Variants in NUP85 observed in about 807,000 individuals in gnomAD.
The protein encoded by NUP85 is nucleoporin 85, also known as nuclear pore complex protein Nup85.
A neutral mutation model predicts 92.8 loss-of-function variants in NUP85; 23 were observed. That is an observed-to-expected ratio of 0.25 (90% CI 0.18 to 0.35). The LOEUF (loss-of-function observed/expected upper bound fraction) is 0.35. NUP85 is among the 10% of genes least tolerant of loss of function. The pLI is 1.00. For synonymous variants in NUP85, 314 were observed against 306.9 expected, an observed-to-expected ratio of 1.02 and a Z score of -0.24; for missense variants, 759 against 822.8, an observed-to-expected ratio of 0.92 and a Z score of 0.95.
chr17:75,227,567 C>T (rs756300034), intron 11 of NUP85, among the ~76,000 whole-genome samples: 60 of 152,068 alleles, frequency 3.9e-4, no homozygotes, highest in Admixed American at 1.5e-3. Context: ...TCTGGAACTC[C>T]TGACCTCAGG....
At chr17:75,225,081 A>T in intron 7 of NUP85, 22 bp from the exon 8 acceptor site, 3 of 1,522,786 alleles carry the variant, frequency 2.0e-6, no homozygotes, top group Non-Finnish European at 2.6e-6. Context: ...GCCAATGCTT[A>T]TGGGCCCGGA....
At chr17:75,221,381 C>T (rs1481598024) in intron 7 of NUP85, among the ~76,000 whole-genome samples, 9 of 151,400 alleles carry the variant, frequency 5.9e-5, no homozygotes, top group African/African-American at 1.2e-4. Flanking sequence ...TCAAGTGATC[C>T]GCCTGCCTCA....
chr17:75,226,503 CCAAT>C (rs1482186770), intron 11 of NUP85, among the ~76,000 whole-genome samples: 1 of 152,034 alleles, frequency 6.6e-6, no homozygotes, highest in East Asian at 1.9e-4. Context: ...ATAAGGGCAC[CCAAT>C]CACATTCATG....
At chr17:75,228,753 A>T in intron 11 of NUP85, 1 of 985,256 alleles carries the variant, frequency 1.0e-6, no homozygotes, top group Non-Finnish European at 1.2e-6. Flanking sequence ...TCATATGAAC[A>T]TGGAGAAGGG....
At chr17:75,213,324 G>A (rs937693600) in intron 5 of NUP85, among the ~76,000 whole-genome samples, 27 of 151,464 alleles carry the variant, frequency 1.8e-4, no homozygotes, top group Admixed American at 7.2e-4. Context: ...GTGAATGTTC[G>A]GTTCCTTTTT....
intron 1 of NUP85, among the ~76,000 whole-genome samples, chr17:75,206,313 G>A (rs1175279645): frequency 6.6e-6 from 1 of 152,072 alleles, no homozygotes; most frequent in Non-Finnish European, 1.5e-5. Flanking sequence ...AAATTCACGC[G>A]CTTTATGTAC....
In NUP85 at chr17:75,233,177, T is replaced by C; in HGVS notation, c.1615+19T>C. The C allele has an allele frequency of 2.5e-6, 4 of 1,610,358 alleles. No homozygotes were observed. Among genetic ancestry groups the C allele is most frequent in the Non-Finnish European group, 2.5e-6 (3 of 1,176,990 alleles). On this transcript the variant is annotated intron_variant, in intron 16 of 18. Transcript: ENST00000245544. ...TTCCTGGGTGAGTCTCTGGGTTTTGTGCCCTGTGCTTTGGGCACAAGTGGG... is the reference window on the plus strand; with the variant it reads ...TTCCTGGGTGAGTCTCTGGGTTTTGCGCCCTGTGCTTTGGGCACAAGTGGG...
At chr17:75,232,787 A>G in intron 14 of NUP85, 64 bp from the exon 15 acceptor site, 1 of 1,460,032 alleles carries the variant, frequency 6.8e-7, no homozygotes, top group South Asian at 1.1e-5. Context: ...CGGTCCCCAC[A>G]GGGCTCAGGA....
At chr17:75,232,611 C>T (rs1195596213) in intron 14 of NUP85, among the ~76,000 whole-genome samples, 1 of 152,010 alleles carries the variant, frequency 6.6e-6, no homozygotes, top group African/African-American at 2.4e-5. Flanking sequence ...GTTTTGCTCC[C>T]CTTGAAGCCA....
chr17:75,207,713 C>G (rs905329533), intron 1 of NUP85, among the ~76,000 whole-genome samples: 1 of 150,598 alleles, frequency 6.6e-6, no homozygotes, highest in African/African-American at 2.4e-5. Context: ...AGCCTGACCT[C>G]GTGATCAGCC....
chr17:75,222,458 T>C (rs898807768), intron 7 of NUP85, among the ~76,000 whole-genome samples: 1 of 150,208 alleles, frequency 6.7e-6, no homozygotes, highest in Non-Finnish European at 1.5e-5. Context: ...GAGGAAAAGT[T>C]GGGAGTTATC....
In NUP85 at chr17:75,212,091, T is replaced by TGCGC. The variant is rs749046412; in HGVS notation, c.361+30_361+31insCGCG. The TGCGC allele has an allele frequency of 2.9e-5, 37 of 1,293,492 alleles. 1 individual carries two copies. In the Admixed American group the frequency reaches 8.1e-4, roughly 28 times the overall value. 80.1% of individuals were successfully genotyped at this position (1,293,492 alleles called of 1,614,324 possible). A position where few individuals can be genotyped will look rare whatever the true frequency, so the allele number is the denominator to read the frequency against. On this transcript the variant is annotated intron_variant, in intron 4 of 18. Coordinates refer to ENST00000245544, the MANE Select transcript of NUP85 (RefSeq NM_024844.5). ...AGGACTGTGTGCGCGTGCGCGCGTGTGTGTGTGTGTGTGTGTGTGGGTATT... is the reference window on the plus strand; with the variant it reads ...AGGACTGTGTGCGCGTGCGCGCGTGTGCGCGTGTGTGTGTGTGTGTGTGGGTATT...
chr17:75,232,839 TC>T lies in NUP85; in HGVS notation c.1397-8del, dbSNP rs779615147. 2 of 1,612,414 alleles carry T rather than the reference TC, an allele frequency of 1.2e-6. No homozygotes were observed. The highest frequency in any genetic ancestry group is 2.7e-5 in the African/African-American group (2 of 74,892). On this transcript the variant is annotated splice_polypyrimidine_tract_variant and intron_variant, in intron 14 of 18. Coordinates refer to ENST00000245544, the MANE Select transcript of NUP85 (RefSeq NM_024844.5). ...AGTGAAAGCCGTTTACCTTTTCTTT[TC>T]CCCTGCAAAGTTCGCAGCATTTGTA... is the stretch of plus-strand genomic sequence containing the variant.
At chr17:75,212,469 G>GTTT (rs57106942) in intron 4 of NUP85, among the ~76,000 whole-genome samples, 1 of 77,446 alleles carries the variant, frequency 1.3e-5, no homozygotes, top group African/African-American at 5.7e-5. Context: ...TGTGCCTGGA[G>GTTT]TTTTTTTTTT....
At chr17:75,227,361 G>A (rs1370994263) in intron 11 of NUP85, among the ~76,000 whole-genome samples, 2 of 102,008 alleles carry the variant, frequency 2.0e-5, no homozygotes, top group South Asian at 6.2e-4. Context: ...TTGAGACAGA[G>A]TTTTGCTCTT....
At chr17:75,209,220 T>C (rs757399375) in intron 2 of NUP85, among the ~76,000 whole-genome samples, 5 of 152,144 alleles carry the variant, frequency 3.3e-5, no homozygotes, top group Non-Finnish European at 2.9e-5. Flanking sequence ...CACTTTTGTG[T>C]CCACAGCATG....
chr17:75,219,470 C>G (rs1024803642), intron 7 of NUP85, among the ~76,000 whole-genome samples: 10 of 151,958 alleles, frequency 6.6e-5, no homozygotes, highest in Non-Finnish European at 1.2e-4. Context: ...GGTGAGGTTT[C>G]ACTGTATTAC....
intron 7 of NUP85, among the ~76,000 whole-genome samples, chr17:75,219,719 C>A: frequency 6.6e-6 from 1 of 152,234 alleles, no homozygotes; most frequent in South Asian, 2.1e-4. Flanking sequence ...TACCATGTAT[C>A]CTGGCACATA....
intron 5 of NUP85, among the ~76,000 whole-genome samples, chr17:75,213,725 AT>A (rs142656202): frequency 6.1e-5 from 9 of 147,718 alleles, no homozygotes; most frequent in East Asian, 2.0e-4. Flanking sequence ...TGAACTCAAC[AT>A]TTTTTTTTTG....
Sources: gnomAD v4.1 joint callset for allele counts (sites outside exome capture counted in the v4.1 genomes callset) on GRCh38, gnomAD v4.1.1 for gene constraint, MANE v1.5 for transcripts, NCBI Gene and HGNC (gene_info 2026-07-23, HGNC 2026-07-21) for gene names.